The following POU2AF2 variants were observed in gnomAD, a reference collection of about 807,000 sequenced individuals.
POU2AF2 encodes POU class 2 homeobox associating factor 2.
chr11:111,245,874 A>T, the POU2AF2 span: 2 of 398,840 alleles, frequency 5.0e-6, no homozygotes, highest in Non-Finnish European at 8.8e-6. Context: ...GTAAGTCAAC[A>T]TCAATTATTA....
chr11:111,284,293 C>G, the POU2AF2 span: 1 of 1,613,664 alleles, frequency 6.2e-7, no homozygotes, highest in Non-Finnish European at 8.5e-7. Flanking sequence ...CGCTGACGCC[C>G]AACGCGGGCT....
chr11:111,285,988 T>A, the POU2AF2 span: 1 of 1,613,922 alleles, frequency 6.2e-7, no homozygotes, highest in East Asian at 2.2e-5. Flanking sequence ...TCCATGACCC[T>A]TCCCCTTGGG....
At chr11:111,260,540 C>T in the POU2AF2 span, among the ~76,000 whole-genome samples, 2 of 152,102 alleles carry the variant, frequency 1.3e-5, 1 homozygote, top group Admixed American at 1.3e-4. Flanking sequence ...AACACACACA[C>T]CGGGGAGAAG....
At chr11:111,265,067 T>G in the POU2AF2 span, among the ~76,000 whole-genome samples, 2 of 151,474 alleles carry the variant, frequency 1.3e-5, no homozygotes, top group African/African-American at 4.9e-5. Flanking sequence ...AGGTGAGCAG[T>G]GAGCAGGAGT....
the POU2AF2 span, among the ~76,000 whole-genome samples, chr11:111,266,313 C>G: frequency 6.6e-6 from 1 of 152,126 alleles, no homozygotes; most frequent in African/African-American, 2.4e-5. Flanking sequence ...TGTTTCTCCT[C>G]CTGACTCAGT....
the POU2AF2 span, among the ~76,000 whole-genome samples, chr11:111,258,958 C>T: frequency 1.3e-5 from 2 of 152,098 alleles, no homozygotes; most frequent in Non-Finnish European, 2.9e-5. Context: ...ATACAAGAAA[C>T]ACATGTAATA....
the POU2AF2 span, among the ~76,000 whole-genome samples, chr11:111,255,262 G>T: frequency 5.3e-5 from 8 of 152,176 alleles, no homozygotes; most frequent in East Asian, 1.2e-3. Context: ...TAATTTAGTC[G>T]CAGACCTCAG....
At chr11:111,281,348 A>C in the POU2AF2 span, 11 of 1,490,004 alleles carry the variant, frequency 7.4e-6, no homozygotes, top group Non-Finnish European at 1.0e-5. Flanking sequence ...ATTTTTATTA[A>C]ATTCAAACTT....
At chr11:111,275,666 G>C in the POU2AF2 span, among the ~76,000 whole-genome samples, 2 of 152,278 alleles carry the variant, frequency 1.3e-5, no homozygotes, top group South Asian at 4.1e-4. Flanking sequence ...ACCACTATGA[G>C]TGAGTCCACA....
the POU2AF2 span, among the ~76,000 whole-genome samples, chr11:111,266,579 T>C: frequency 2.0e-5 from 3 of 152,148 alleles, no homozygotes; most frequent in Admixed American, 1.3e-4. Flanking sequence ...GGGGGTACAA[T>C]TGAGTTGACG....
the POU2AF2 span, among the ~76,000 whole-genome samples, chr11:111,261,260 TACACACACAC>T: frequency 3.9e-3 from 548 of 141,016 alleles, 1 homozygote; most frequent in Non-Finnish European, 6.6e-3. Context: ...TAGTACCAAA[TACACACACAC>T]ACACACACAC....
the POU2AF2 span, among the ~76,000 whole-genome samples, chr11:111,256,338 CTGCCCTTTTTGAAAGAGTTTTCA>C: frequency 1.4e-4 from 21 of 152,346 alleles, no homozygotes; most frequent in Non-Finnish European, 1.6e-4. Flanking sequence ...GCTGGTTTTC[CTGCCCTTTTTGAAAGAGTTTTCA>C]TGCCCTTTTT....
chr11:111,284,472 T>C, the POU2AF2 span: 1 of 1,396,754 alleles, frequency 7.2e-7, no homozygotes, highest in South Asian at 1.4e-5. Flanking sequence ...TGAAGCCAGG[T>C]CTGGCTCACC....
At chr11:111,249,659 A>G in the POU2AF2 span, among the ~76,000 whole-genome samples, 63 of 152,126 alleles carry the variant, frequency 4.1e-4, 1 homozygote, top group Non-Finnish European at 1.2e-4. Context: ...GTTTTCCTCA[A>G]CTTCTCTAAG....
the POU2AF2 span, among the ~76,000 whole-genome samples, chr11:111,264,857 AAAG>A: frequency 6.7e-6 from 1 of 148,560 alleles, no homozygotes; most frequent in Admixed American, 6.7e-5. Flanking sequence ...AAGGAAAAGA[AAAG>A]AGACAGAAGG....
At chr11:111,284,264 G>A in the POU2AF2 span, 2 of 1,613,870 alleles carry the variant, frequency 1.2e-6, no homozygotes, top group South Asian at 1.1e-5. Flanking sequence ...GGAGCCCTAC[G>A]GAGACTACCG....
the POU2AF2 span, among the ~76,000 whole-genome samples, chr11:111,246,930 G>A: frequency 6.6e-6 from 1 of 152,038 alleles, no homozygotes; most frequent in Non-Finnish European, 1.5e-5. Flanking sequence ...CCTACACACT[G>A]GCTACTTTGT....
chr11:111,248,883 C>T, the POU2AF2 span, among the ~76,000 whole-genome samples: 1 of 152,132 alleles, frequency 6.6e-6, no homozygotes, highest in Non-Finnish European at 1.5e-5. Context: ...TTTCAGAATA[C>T]GTGTTTGATT....
At chr11:111,259,713 G>A in the POU2AF2 span, among the ~76,000 whole-genome samples, 11 of 152,216 alleles carry the variant, frequency 7.2e-5, no homozygotes, top group East Asian at 3.9e-4. Context: ...AATATACCAC[G>A]TAGAGATAAC....
Sources: gnomAD v4.1 joint callset for allele counts (sites outside exome capture counted in the v4.1 genomes callset) on GRCh38, gnomAD v4.1.1 for gene constraint, MANE v1.5 for transcripts, NCBI Gene and HGNC (gene_info 2026-07-23, HGNC 2026-07-21) for gene names.